The following OS9 variants were observed in gnomAD, a reference collection of about 807,000 sequenced individuals.
The protein encoded by OS9 is OS9 endoplasmic reticulum lectin, also known as protein OS-9.
In OS9, 58 loss-of-function variants were observed where a neutral mutation model predicts 84.7. That is an observed-to-expected ratio of 0.68 (90% CI 0.55 to 0.85). OS9 has a LOEUF of 0.85. Ranked by LOEUF, OS9 falls within the 40% of genes least tolerant of loss-of-function variation. The pLI is 0.00. For missense variants in OS9, 760 were observed against 850.9 expected (o/e 0.89, Z 1.33); for synonymous variants, 278 against 320.8 (o/e 0.87, Z 1.43).
At chr12:57,697,890 C>G (rs1384080192) in intron 5 of OS9, among the ~76,000 whole-genome samples, 3 of 128,842 alleles carry the variant, frequency 2.3e-5, no homozygotes, top group Non-Finnish European at 5.0e-5. Context: ...CACACACACA[C>G]GGAACCTAAC....
At chr12:57,713,517 G>A (rs1230093064) in intron 5 of OS9, among the ~76,000 whole-genome samples, 1 of 151,704 alleles carries the variant, frequency 6.6e-6, no homozygotes. Context: ...CACTGCACTT[G>A]AGGTAAAGCC....
intron 5 of OS9, among the ~76,000 whole-genome samples, chr12:57,702,304 A>G (rs1011983739): frequency 1.3e-5 from 2 of 152,114 alleles, no homozygotes; most frequent in African/African-American, 4.8e-5. Flanking sequence ...TTCCTGTTCT[A>G]GGTACTTCAC....
intron 5 of OS9, among the ~76,000 whole-genome samples, chr12:57,701,900 G>A (rs1954037886): frequency 6.6e-6 from 1 of 152,152 alleles, no homozygotes; most frequent in East Asian, 1.9e-4. Context: ...AGGATCAAGC[G>A]ATTGTCCTGC....
intron 5 of OS9, among the ~76,000 whole-genome samples, chr12:57,699,345 C>G (rs1462429187): frequency 6.6e-6 from 1 of 152,096 alleles, no homozygotes; most frequent in East Asian, 1.9e-4. Flanking sequence ...TAACTGAAGC[C>G]AAGGTATGGA....
At chr12:57,707,823 C>T (rs1289664237) in intron 5 of OS9, among the ~76,000 whole-genome samples, 2 of 151,824 alleles carry the variant, frequency 1.3e-5, no homozygotes, top group Admixed American at 1.3e-4. Flanking sequence ...GGCATGGTAG[C>T]TCATGCCCTA....
At chr12:57,696,186 C>A in intron 4 of OS9, 89 bp from the exon 5 acceptor site, 1 of 1,259,844 alleles carries the variant, frequency 7.9e-7, no homozygotes, top group Non-Finnish European at 1.2e-6. Flanking sequence ...GGGCACAGGC[C>A]ATTCTTTTGT....
rs200191525 is a variant in OS9 at position 57,696,364 on chromosome 12, C to T, written c.570C>T (p.Ala190=). The T allele has an allele frequency of 8.8e-5, 134 of 1,517,022 alleles. 2 individuals carry two copies. In the Middle Eastern group the frequency reaches 9.1e-4, roughly 10 times the overall value. 94.0% of individuals were successfully genotyped at this position (1,517,022 alleles called of 1,614,324 possible). ...ACCTTAATGGGAGGCCCCGGGAGGC[C>T]GAGGTTCGGGTGAGTCTTGAGAGAG... ...KCDLNGRPRE[A]EVRFLCDEGA... The change falls in exon 5 of 15, where the codon GCC becomes GCT. Residue 190 remains alanine (A), a synonymous_variant. Transcript: ENST00000315970.
chr12:57,714,391 G>C (rs1355015336), intron 5 of OS9, among the ~76,000 whole-genome samples: 5 of 152,158 alleles, frequency 3.3e-5, no homozygotes, highest in Non-Finnish European at 5.9e-5. Context: ...TTTTAGTAGA[G>C]ATGGGGTTTC....
In OS9 at chr12:57,697,756, G is replaced by T. The variant is rs186518579; in HGVS notation, c.579+1383G>T. Among the ~76,000 whole-genome samples, 417 of 152,056 alleles carry T rather than the reference G, an allele frequency of 2.7e-3. 1 individual carries two copies. Among genetic ancestry groups the T allele is most frequent in the Non-Finnish European group, 3.3e-3 (222 of 67,984 alleles). On this transcript the variant is annotated intron_variant, in intron 5 of 14. Transcript: ENST00000315970. ...GTCCTTCGAACCAGTGGGTCTCATT[G>T]TTCCCTCTGCCTGGTGCAGTCTCCT...
intron 13 of OS9, 22 bp from the exon 14 acceptor site, chr12:57,720,384 A>C: frequency 6.2e-7 from 1 of 1,602,508 alleles, no homozygotes; most frequent in Non-Finnish European, 8.6e-7. Context: ...CTCTCCTCTC[A>C]CTGCATACTG....
At chr12:57,708,536 G>C (rs1453760242) in intron 5 of OS9, among the ~76,000 whole-genome samples, 1 of 151,810 alleles carries the variant, frequency 6.6e-6, no homozygotes, top group Admixed American at 6.6e-5. Context: ...GCTGATAAGG[G>C]AGGATCTTTT....
chr12:57,702,465 T>C (rs987753380), intron 5 of OS9, among the ~76,000 whole-genome samples: 6 of 152,266 alleles, frequency 3.9e-5, no homozygotes, highest in African/African-American at 1.4e-4. Flanking sequence ...ATACATTTTG[T>C]TTACCTATTT....
intron 2 of OS9, 45 bp downstream of exon 2, chr12:57,694,971 A>G: frequency 1.3e-6 from 2 of 1,570,080 alleles, no homozygotes; most frequent in African/African-American, 1.3e-5. Flanking sequence ...GGAAACTAGC[A>G]GTTCATCCAA....
At chr12:57,704,216 T>C (rs1043950634) in intron 5 of OS9, among the ~76,000 whole-genome samples, 2 of 152,146 alleles carry the variant, frequency 1.3e-5, no homozygotes, top group African/African-American at 4.8e-5. Flanking sequence ...TACCATTTAG[T>C]TGAGGAATTT....
At chr12:57,711,895 C>G (rs1954345426) in intron 5 of OS9, among the ~76,000 whole-genome samples, 1 of 152,050 alleles carries the variant, frequency 6.6e-6, no homozygotes, top group Admixed American at 6.6e-5. Context: ...TTGAGACCAG[C>G]CTGGGCAACA....
chr12:57,700,367 G>A (rs549638368), intron 5 of OS9, among the ~76,000 whole-genome samples: 1 of 152,158 alleles, frequency 6.6e-6, no homozygotes, highest in East Asian at 1.9e-4. Context: ...AGAACCCTGG[G>A]AGAGCAATTT....
At chr12:57,699,370 G>T (rs1433456485) in intron 5 of OS9, among the ~76,000 whole-genome samples, 2 of 152,150 alleles carry the variant, frequency 1.3e-5, no homozygotes, top group African/African-American at 2.4e-5. Context: ...ATCCCCCAAA[G>T]AAAACAGTAT....
chr12:57,709,569 A>C (rs897294134), intron 5 of OS9, among the ~76,000 whole-genome samples: 1 of 152,160 alleles, frequency 6.6e-6, no homozygotes, highest in Admixed American at 6.5e-5. Flanking sequence ...GCTTGAAAGC[A>C]TGTCTTTTCT....
Position 57,716,062 on chromosome 12 carries a change from C to A in OS9, c.791-30C>A, listed in dbSNP as rs1595061884. 1.1e-5 allele frequency: 18 copies of A among 1,602,422 alleles called. No homozygotes were observed. The East Asian group carries it at 4.0e-4, about 36-fold the overall frequency. On this transcript the variant is annotated intron_variant, in intron 6 of 14. Transcript: ENST00000315970. ...ATTGAATAGCTGGAGGAATGTGTTC[C>A]TGGCCTGCTTGCATGCTGTTTCTCA...
Sources: gnomAD v4.1 joint callset for allele counts (sites outside exome capture counted in the v4.1 genomes callset) on GRCh38, gnomAD v4.1.1 for gene constraint, MANE v1.5 for transcripts, NCBI Gene and HGNC (gene_info 2026-07-23, HGNC 2026-07-21) for gene names.